Variants in TENM3 observed in about 807,000 individuals in gnomAD.
TENM3 encodes the protein teneurin-3.
Under a neutral mutation model 255.1 loss-of-function variants are expected in TENM3, and 63 were observed. The observed-to-expected ratio is 0.25, with a 90% CI of 0.20 to 0.30. The LOEUF is 0.30. Among genes scored for constraint, TENM3 ranks in the 10% least tolerant of loss-of-function variants. TENM3 has a pLI of 1.00. For synonymous variants in TENM3, 1,306 were observed against 1,322.3 expected (o/e 0.99, Z 0.27); for missense variants, 2,929 against 3,461.1 (o/e 0.85, Z 3.86).
At chr4:181,685,011 C>G in the TENM3 span, among the ~76,000 whole-genome samples, 1 of 150,664 alleles carries the variant, frequency 6.6e-6, no homozygotes, top group African/African-American at 2.4e-5. Context: ...AATGATCCTC[C>G]CACCACCCTC....
At chr4:181,602,973 C>T in the TENM3 span, among the ~76,000 whole-genome samples, 1 of 152,264 alleles carries the variant, frequency 6.6e-6, no homozygotes, top group African/African-American at 2.4e-5. Context: ...ATTCATCATG[C>T]TGCCTTCAAC....
At chr4:182,323,157 G>A (rs370494268) in intron 1 of TENM3, among the ~76,000 whole-genome samples, 10 of 152,072 alleles carry the variant, frequency 6.6e-5, no homozygotes, top group Admixed American at 6.6e-4. Context: ...GCAAATTCAG[G>A]AAATAGAGAG....
chr4:181,797,046 G>A, the TENM3 span, among the ~76,000 whole-genome samples: 21 of 152,194 alleles, frequency 1.4e-4, no homozygotes, highest in Non-Finnish European at 2.5e-4. Flanking sequence ...CCCCAGTCCA[G>A]GGCCCATGTG....
chr4:182,657,522 C>G (rs1232567287), intron 6 of TENM3, among the ~76,000 whole-genome samples: 1 of 152,186 alleles, frequency 6.6e-6, no homozygotes, highest in Admixed American at 6.5e-5. Flanking sequence ...TGTCCTCATT[C>G]TACTGATACC....
chr4:182,237,970 A>C (rs563993380), intron 1 of TENM3, among the ~76,000 whole-genome samples: 2 of 152,356 alleles, frequency 1.3e-5, no homozygotes, highest in African/African-American at 4.8e-5. Context: ...AATGGCAAAT[A>C]TGTCTAGAAA....
the TENM3 span, among the ~76,000 whole-genome samples, chr4:182,038,709 G>A: frequency 6.6e-6 from 1 of 152,166 alleles, no homozygotes; most frequent in Non-Finnish European, 1.5e-5. Context: ...ATAGCTGCAG[G>A]AAGCTAAAAT....
At chr4:181,506,506 A>G in the TENM3 span, among the ~76,000 whole-genome samples, 1 of 152,178 alleles carries the variant, frequency 6.6e-6, no homozygotes, top group Non-Finnish European at 1.5e-5. Context: ...GCCTGAAGGA[A>G]CAAGATATTC....
At chr4:182,273,014 T>A (rs1579977895) in intron 1 of TENM3, among the ~76,000 whole-genome samples, 2 of 152,160 alleles carry the variant, frequency 1.3e-5, no homozygotes, top group African/African-American at 4.8e-5. Context: ...TGTGAGTTAG[T>A]CTTGAGGGTT....
chr4:181,887,050 T>C, the TENM3 span, among the ~76,000 whole-genome samples: 1 of 152,180 alleles, frequency 6.6e-6, no homozygotes, highest in Non-Finnish European at 1.5e-5. Context: ...CTGTTTTATT[T>C]CATGAGTTCT....
chr4:182,022,549 C>G, the TENM3 span, among the ~76,000 whole-genome samples: 1 of 147,982 alleles, frequency 6.8e-6, no homozygotes, highest in Non-Finnish European at 1.5e-5. Context: ...AAAAAAAAAT[C>G]CAAAAAGAAA....
chr4:182,462,777 C>T (rs1732160925), intron 3 of TENM3, among the ~76,000 whole-genome samples: 1 of 151,724 alleles, frequency 6.6e-6, no homozygotes, highest in Admixed American at 6.6e-5. Context: ...ATCCCAGCTA[C>T]TTGGAAGGCT....
At chr4:182,264,412 C>A (rs558511972) in intron 1 of TENM3, among the ~76,000 whole-genome samples, 1 of 152,216 alleles carries the variant, frequency 6.6e-6, no homozygotes, top group East Asian at 1.9e-4. Context: ...GCGGTACTTT[C>A]TCTTGGTCTC....
the TENM3 span, among the ~76,000 whole-genome samples, chr4:181,931,839 A>T: frequency 1.3e-5 from 2 of 152,192 alleles, no homozygotes; most frequent in Non-Finnish European, 2.9e-5. Context: ...ATGGAACAGA[A>T]CAGAGGCCTC....
the TENM3 span, among the ~76,000 whole-genome samples, chr4:181,582,905 T>C: frequency 6.6e-6 from 1 of 152,068 alleles, no homozygotes; most frequent in East Asian, 1.9e-4. Flanking sequence ...ATTTATGTGG[T>C]CTGAGCAAAA....
At chr4:182,069,732 C>G in the TENM3 span, among the ~76,000 whole-genome samples, 1 of 149,036 alleles carries the variant, frequency 6.7e-6, no homozygotes, top group Non-Finnish European at 1.5e-5. Flanking sequence ...CTCTTGCACA[C>G]ACAAGAGATC....
chr4:181,813,511 A>G, the TENM3 span, among the ~76,000 whole-genome samples: 3 of 152,328 alleles, frequency 2.0e-5, no homozygotes, highest in South Asian at 6.2e-4. Context: ...GGACTTAAAT[A>G]AAGGTGGTTT....
the TENM3 span, among the ~76,000 whole-genome samples, chr4:182,135,021 C>T: frequency 1.3e-5 from 2 of 151,740 alleles, no homozygotes; most frequent in South Asian, 2.1e-4. Flanking sequence ...TCCTGGCCAA[C>T]ATGGTGAAAC....
At chr4:181,627,851 C>T in the TENM3 span, among the ~76,000 whole-genome samples, 3 of 152,268 alleles carry the variant, frequency 2.0e-5, no homozygotes, top group Non-Finnish European at 4.4e-5. Context: ...GGTATATGCC[C>T]AGTAAGGGGA....
At chr4:181,915,502 T>G in the TENM3 span, among the ~76,000 whole-genome samples, 1 of 152,118 alleles carries the variant, frequency 6.6e-6, no homozygotes, top group Admixed American at 6.6e-5. Flanking sequence ...AGAAGAATAT[T>G]ATACATGCTG....
Sources: allele counts gnomAD v4.1 joint callset (sites outside exome capture counted in the v4.1 genomes callset), GRCh38; gene constraint gnomAD v4.1.1; transcripts MANE v1.5; gene names NCBI Gene and HGNC (gene_info 2026-07-23, HGNC 2026-07-21).